ADGRG6: variants seen among roughly 807,000 people sequenced by gnomAD.
The protein encoded by ADGRG6 is adhesion G protein-coupled receptor G6.
A neutral mutation model predicts 142.4 loss-of-function variants in ADGRG6; 84 were observed. The observed-to-expected ratio is 0.59, with a 90% CI of 0.49 to 0.71. The LOEUF (loss-of-function observed/expected upper bound fraction) is 0.71, where lower values mean the gene tolerates loss of function less well. Among genes scored for constraint, ADGRG6 ranks in the 30% least tolerant of loss-of-function variants. The probability of loss-of-function intolerance (pLI) is 0.00; values close to 1 mark genes in which losing one functional copy is unlikely to be tolerated. For missense variants in ADGRG6, 1,367 were observed against 1,466.6 expected (o/e 0.93, Z 1.11); for synonymous variants, 521 against 520.5 (o/e 1.00, Z -0.01).
In ADGRG6 at chr6:142,393,949, A is replaced by G. The variant is rs781109696; in HGVS notation, c.1415A>G (p.Asp472Gly). 6.4e-6 allele frequency: 10 copies of G among 1,555,764 alleles called. No homozygotes were observed. In the South Asian group the frequency reaches 1.1e-4, roughly 17 times the overall value. ...ATTAAAGTCAAGAGAAGCCTTGAGG[A>G]TGAGCCAAGGTAACAGGACAAAGTA... Reference protein sequence around the residue: ...DKIKVKRSLEDEPRLVLWALL... With the variant: ...DKIKVKRSLEGEPRLVLWALL... Residue 472 changes from aspartate (D) to glycine (G), a missense_variant, in exon 9 of 25, where the codon GAT becomes GGT. Around this residue, in one of 3 missense-constraint regions of ADGRG6, gnomAD observed 737 missense variants for 746.5 expected, o/e 0.99. Coordinates refer to ENST00000367609, the MANE Select transcript of ADGRG6 (RefSeq NM_198569.3).
At chr6:142,380,950 A>G (rs1781742681) in intron 4 of ADGRG6, among the ~76,000 whole-genome samples, 1 of 152,230 alleles carries the variant, frequency 6.6e-6, no homozygotes, top group Non-Finnish European at 1.5e-5. Flanking sequence ...CTTGCCAGTC[A>G]GTGTCATGTC....
At chr6:142,421,346 A>G (rs1776644085) in intron 22 of ADGRG6, among the ~76,000 whole-genome samples, 1 of 152,192 alleles carries the variant, frequency 6.6e-6, no homozygotes, top group African/African-American at 2.4e-5. Context: ...TCATTGTCTT[A>G]TAACAAAGGA....
chr6:142,410,331 A>C (rs1776017630), intron 17 of ADGRG6, among the ~76,000 whole-genome samples: 1 of 152,122 alleles, frequency 6.6e-6, no homozygotes, highest in Non-Finnish European at 1.5e-5. Context: ...ACCTCCAGTT[A>C]TGAGGGAGGT....
intron 22 of ADGRG6, among the ~76,000 whole-genome samples, chr6:142,422,880 C>T (rs1776731541): frequency 7.1e-6 from 1 of 141,326 alleles, no homozygotes; most frequent in African/African-American, 2.6e-5. Context: ...GATGGTATCT[C>T]ATTGTGGTTT....
At chr6:142,440,928 T>C in intron 24 of ADGRG6, 1 of 1,493,014 alleles carries the variant, frequency 6.7e-7, no homozygotes, top group Non-Finnish European at 9.0e-7. Context: ...CTATGAGCAT[T>C]CCTTCAACAA....
At chr6:142,416,152 T>C (rs1220414915) in intron 20 of ADGRG6, 88 bp downstream of exon 20, 1 of 946,126 alleles carries the variant, frequency 1.1e-6, no homozygotes, top group Non-Finnish European at 1.6e-6. Flanking sequence ...TAAAAAAAAA[T>C]AGTACCATTA....
intron 2 of ADGRG6, among the ~76,000 whole-genome samples, chr6:142,356,944 C>T (rs1413994322): frequency 6.6e-6 from 1 of 152,166 alleles, no homozygotes; most frequent in East Asian, 1.9e-4. Flanking sequence ...TTCCCTCCCT[C>T]TCCAGATGTT....
intron 5 of ADGRG6, among the ~76,000 whole-genome samples, chr6:142,383,240 C>T (rs772650149): frequency 1.3e-5 from 2 of 152,076 alleles, no homozygotes; most frequent in Non-Finnish European, 2.9e-5. Flanking sequence ...AAATGATTAA[C>T]TTAGTCTATG....
intron 2 of ADGRG6, among the ~76,000 whole-genome samples, chr6:142,337,141 A>G (rs931120487): frequency 1.3e-5 from 2 of 152,208 alleles, no homozygotes; most frequent in Admixed American, 1.3e-4. Flanking sequence ...ACTTCTTGCC[A>G]TTAGCATCCT....
intron 2 of ADGRG6, among the ~76,000 whole-genome samples, chr6:142,319,155 G>C (rs901978306): frequency 1.8e-4 from 27 of 152,136 alleles, no homozygotes; most frequent in Admixed American, 1.7e-3. Context: ...GAACAGCCCT[G>C]ACACACATAT....
At chr6:142,403,369 A>G (rs1775635973) in intron 13 of ADGRG6, among the ~76,000 whole-genome samples, 1 of 152,168 alleles carries the variant, frequency 6.6e-6, no homozygotes, top group African/African-American at 2.4e-5. Flanking sequence ...AAAATTTTAT[A>G]TTTGTTAAAA....
chr6:142,443,281 C>CT, intron 24 of ADGRG6, 56 bp from the exon 25 acceptor site: 1 of 1,162,222 alleles, frequency 8.6e-7, no homozygotes, highest in South Asian at 1.4e-5. Flanking sequence ...ATATGGTGGC[C>CT]TGTAGGCATG....
Position 142,444,834 on chromosome 6 carries a change from G to A in ADGRG6, c.*1319G>A, listed in dbSNP as rs1326381623. ...GAGTCCATGCAGTTTCTTAGAAATC[G>A]GTCTCAGTGCATGCTGTGCTTTTTC... On this transcript the variant is annotated 3_prime_UTR_variant, in exon 25 of 25. Coordinates refer to ENST00000367609, the MANE Select transcript of ADGRG6 (RefSeq NM_198569.3). 2.0e-5 allele frequency: 3 copies of A among 152,130 alleles called. No homozygotes were observed. The highest frequency in any genetic ancestry group is 4.4e-5 in the Non-Finnish European group (3 of 68,030). The allele number at this position is 152,130 out of a possible 1,614,324, so 9.4% of individuals were successfully genotyped here. A position where few individuals can be genotyped will look rare whatever the true frequency, so the allele number is the denominator to read the frequency against.
intron 7 of ADGRG6, among the ~76,000 whole-genome samples, 153 bp from the exon 8 acceptor site, chr6:142,392,795 G>C (rs1456600516): frequency 1.3e-5 from 2 of 151,996 alleles, no homozygotes; most frequent in Admixed American, 1.3e-4. Context: ...TCCATTAACT[G>C]TTACAATGAT....
intron 6 of ADGRG6, among the ~76,000 whole-genome samples, chr6:142,387,955 C>A (rs891762248): frequency 6.6e-5 from 10 of 152,188 alleles, no homozygotes; most frequent in African/African-American, 2.4e-4. Flanking sequence ...TTTGAAGTCT[C>A]TGGAACACAT....
intron 6 of ADGRG6, among the ~76,000 whole-genome samples, chr6:142,386,360 A>G (rs1040433871): frequency 6.6e-5 from 10 of 152,236 alleles, no homozygotes; most frequent in Admixed American, 2.6e-4. Flanking sequence ...TCACAGAAAC[A>G]TCACCAAACT....
rs780356835 is a variant in ADGRG6 at position 142,393,889 on chromosome 6, T to G, written c.1362-7T>G. 6 of 1,531,946 alleles carry G rather than the reference T, an allele frequency of 3.9e-6. No individual in the cohort carries two copies. Among genetic ancestry groups the G allele is most frequent in the Non-Finnish European group, 4.4e-6 (5 of 1,127,236 alleles). The allele number at this position is 1,531,946 out of a possible 1,614,324, so 94.9% of individuals were successfully genotyped here. A position where few individuals can be genotyped will look rare whatever the true frequency, so the allele number is the denominator to read the frequency against. The stretch of plus-strand genomic sequence containing the variant: ...GGATTAATGAATATATGTATTTGTG[T>G]TTTTAGTTTTCACCTGAGTGCTGGA... On this transcript the variant is annotated splice_region_variant and splice_polypyrimidine_tract_variant and intron_variant, in intron 8 of 24. Coordinates refer to ENST00000367609, the MANE Select transcript of ADGRG6 (RefSeq NM_198569.3).
Position 142,443,759 on chromosome 6 carries a change from G to C in ADGRG6, c.*244G>C, listed in dbSNP as rs1582704590. ...ATGACTCAGTAGCCACAGAAGCTAT[G>C]ATTTGTAAAATATATAATTGAATCA... On this transcript the variant is annotated 3_prime_UTR_variant, in exon 25 of 25. Transcript: ENST00000367609. The C allele has an allele frequency of 2.8e-6, 1 of 353,988 alleles. No homozygotes were observed. The highest frequency in any genetic ancestry group is 5.3e-5 in the East Asian group (1 of 18,880). 21.9% of individuals were successfully genotyped at this position (353,988 alleles called of 1,614,324 possible).
intron 22 of ADGRG6, among the ~76,000 whole-genome samples, chr6:142,433,934 G>A (rs1777348487): frequency 6.6e-6 from 1 of 151,948 alleles, no homozygotes; most frequent in Non-Finnish European, 1.5e-5. Flanking sequence ...CTATTGTCCA[G>A]GCAACATAAG....
Sources: allele counts gnomAD v4.1 joint callset (sites outside exome capture counted in the v4.1 genomes callset), GRCh38; gene constraint gnomAD v4.1.1; regional missense constraint gnomAD v4.1.1; transcripts MANE v1.5; gene names NCBI Gene and HGNC (gene_info 2026-07-23, HGNC 2026-07-21).